TNRC6B: variants seen among roughly 807,000 people sequenced by gnomAD.
The protein encoded by TNRC6B is trinucleotide repeat-containing gene 6B protein.
TNRC6B carries 52 observed loss-of-function variants against 203.6 expected under a neutral mutation model. The ratio of observed to expected loss-of-function variants is 0.26; its 90% CI spans 0.20 to 0.32. TNRC6B has a LOEUF of 0.32. Among genes scored for constraint, TNRC6B ranks in the 10% least tolerant of loss-of-function variants. The pLI is 1.00. For missense variants in TNRC6B, 1,923 were observed against 2,286.2 expected (o/e 0.84, Z 3.24); for synonymous variants, 838 against 845.7 (o/e 0.99, Z 0.16).
intron 1 of TNRC6B, among the ~76,000 whole-genome samples, chr22:40,061,464 C>A (rs888167559): frequency 4.6e-5 from 7 of 151,656 alleles, no homozygotes; most frequent in Non-Finnish European, 1.0e-4. Context: ...CTCAGGTGAT[C>A]CACCTGCCTC....
At chr22:40,118,075 TGCTAATATGA>T (rs770304078) in intron 2 of TNRC6B, among the ~76,000 whole-genome samples, 84 of 152,180 alleles carry the variant, frequency 5.5e-4, no homozygotes, top group Non-Finnish European at 8.7e-4. Context: ...AGGGTAGGAT[TGCTAATATGA>T]GCTAATATGA....
At chr22:40,070,704 A>G (rs936387433) in intron 1 of TNRC6B, among the ~76,000 whole-genome samples, 8 of 152,212 alleles carry the variant, frequency 5.3e-5, no homozygotes, top group Non-Finnish European at 8.8e-5. Context: ...GATCATTTTA[A>G]TAAAAACTCA....
chr22:40,272,825 T>G (rs1310775404), intron 6 of TNRC6B, among the ~76,000 whole-genome samples: 1 of 152,224 alleles, frequency 6.6e-6, no homozygotes, highest in Non-Finnish European at 1.5e-5. Flanking sequence ...TCTAATACAT[T>G]TCAAGTGTGT....
At chr22:40,238,103 G>C (rs1392680753) in intron 1 of TNRC6B, among the ~76,000 whole-genome samples, 3 of 152,114 alleles carry the variant, frequency 2.0e-5, no homozygotes, top group Non-Finnish European at 2.9e-5. Context: ...GATGCATTTT[G>C]GTAGCATTTA....
intron 15 of TNRC6B, among the ~76,000 whole-genome samples, chr22:40,305,838 T>C (rs889856963): frequency 6.6e-6 from 1 of 152,170 alleles, no homozygotes; most frequent in African/African-American, 2.4e-5. Flanking sequence ...TGCTTACTTT[T>C]TCTTTCTCTT....
chr22:40,260,607 G>T (rs1012022221), intron 3 of TNRC6B, among the ~76,000 whole-genome samples: 2 of 152,180 alleles, frequency 1.3e-5, no homozygotes, highest in Admixed American at 1.3e-4. Flanking sequence ...TAGGCCAGGG[G>T]CTTCAATAAA....
At chr22:40,156,322 A>C (rs1011379088) in intron 4 of TNRC6B, 1 of 743,530 alleles carries the variant, frequency 1.3e-6, no homozygotes, top group Non-Finnish European at 2.2e-6. Flanking sequence ...GTGGCTGTTA[A>C]TGCATTGCTT....
Position 40,265,088 on chromosome 22 carries a change from T to C in TNRC6B, c.858T>C (p.Asn286=), listed in dbSNP as rs369264386. ...ACAATGGACTAGGAAATTGGAGGAA[T>C]GTGAGTGGTCAGGATAGAATTGGAC... ...ENNNGLGNWR[N]VSGQDRIGPG... Residue 286 remains asparagine, a synonymous_variant, in exon 5 of 23, where the codon AAT becomes AAC. Transcript: ENST00000454349. 2.0e-5 allele frequency: 33 copies of C among 1,614,006 alleles called. No homozygotes were observed. In the African/African-American group the frequency reaches 2.8e-4, roughly 14 times the overall value.
intron 1 of TNRC6B, among the ~76,000 whole-genome samples, chr22:40,100,512 A>G (rs774827568): frequency 5.9e-4 from 89 of 152,056 alleles, no homozygotes; most frequent in Non-Finnish European, 8.8e-4. Flanking sequence ...CTTAGTAGCT[A>G]GGACTACAGG....
chr22:40,184,369 T>C (rs537605023), intron 1 of TNRC6B, among the ~76,000 whole-genome samples: 79 of 152,178 alleles, frequency 5.2e-4, no homozygotes, highest in Non-Finnish European at 9.6e-4. Context: ...CTAGTGGACA[T>C]TGGCATATTT....
chr22:40,281,781 G>A (rs1383240667), intron 11 of TNRC6B, among the ~76,000 whole-genome samples: 2 of 152,180 alleles, frequency 1.3e-5, no homozygotes, highest in East Asian at 1.9e-4. Context: ...CCGGAGAAGG[G>A]TAACTTTAAA....
At chr22:40,130,684 G>A (rs1249561854) in intron 3 of TNRC6B, among the ~76,000 whole-genome samples, 2 of 133,302 alleles carry the variant, frequency 1.5e-5, no homozygotes, top group Non-Finnish European at 3.0e-5. Context: ...GCGGGAGGCT[G>A]AGGCAGGAAA....
At chr22:40,289,719 T>G (rs2070842891) in intron 12 of TNRC6B, among the ~76,000 whole-genome samples, 1 of 152,204 alleles carries the variant, frequency 6.6e-6, no homozygotes, top group Non-Finnish European at 1.5e-5. Context: ...TGCCAGGTGA[T>G]CTTACCAAGT....
chr22:40,171,692 G>A (rs2069001194), intron 4 of TNRC6B, among the ~76,000 whole-genome samples: 2 of 152,052 alleles, frequency 1.3e-5, no homozygotes, highest in African/African-American at 4.8e-5. Context: ...AAACTCTTTT[G>A]TGACTTTCCA....
Position 40,308,652 on chromosome 22 carries a change from AAG to A in TNRC6B, c.4258+7_4258+8del. The stretch of plus-strand genomic sequence containing the variant: ...GGAAGCCAATATGCACAAAAATGGT[AAG>A]AGAAGCACTGAAAGCTAGAGCCCCC... On this transcript the variant is annotated splice_donor_5th_base_variant and intron_variant, in intron 16 of 22. Transcript: ENST00000454349. 6.2e-7 allele frequency: 1 copy of A among 1,610,816 alleles called. No homozygotes were observed. Among genetic ancestry groups the A allele is most frequent in the Non-Finnish European group, 8.5e-7 (1 of 1,178,284 alleles).
At chr22:40,146,027 T>C (rs1224635150) in intron 3 of TNRC6B, among the ~76,000 whole-genome samples, 1 of 152,076 alleles carries the variant, frequency 6.6e-6, no homozygotes, top group African/African-American at 2.4e-5. Context: ...TGAGATTAGA[T>C]GAAATGGCTG....
rs1186418869 is a variant in TNRC6B at position 40,265,655 on chromosome 22, C to A, written c.1425C>A (p.Asn475Lys). 3.1e-6 allele frequency: 5 copies of A among 1,613,782 alleles called. No individual in the cohort carries two copies. Among genetic ancestry groups the A allele is most frequent in the Non-Finnish European group, 3.4e-6 (4 of 1,179,854 alleles). ...STGSKNDSWD[N>K]NNRSTGGSWN... is the part of the protein sequence containing the mutation. ...GGTCAAAAAATGACTCTTGGGACAA[C>A]AATAACAGGTCTACGGGTGGGTCCT... The change falls in exon 5 of 23, where the codon AAC becomes AAA. Residue 475 changes from asparagine (N) to lysine (K), a missense_variant. This residue lies in a region of TNRC6B where 614 missense variants were observed against 587.7 expected (regional missense o/e 1.04). Coordinates refer to ENST00000454349, the MANE Select transcript of TNRC6B (RefSeq NM_001162501.2).
chr22:40,278,929 CG>C (rs1409487571), intron 9 of TNRC6B, among the ~76,000 whole-genome samples: 1 of 152,144 alleles, frequency 6.6e-6, no homozygotes, highest in Non-Finnish European at 1.5e-5. Flanking sequence ...TTAGTAGGGA[CG>C]GGATTTCGCC....
At chr22:40,143,672 AT>A (rs1038853288) in intron 3 of TNRC6B, among the ~76,000 whole-genome samples, 9 of 151,958 alleles carry the variant, frequency 5.9e-5, no homozygotes, top group Admixed American at 5.2e-4. Context: ...AATTTTTTGT[AT>A]TTTTAGTAGA....
Sources: gnomAD v4.1 joint callset for allele counts (sites outside exome capture counted in the v4.1 genomes callset) on GRCh38, gnomAD v4.1.1 for gene constraint, gnomAD v4.1.1 regional missense constraint, MANE v1.5 for transcripts, NCBI Gene and HGNC (gene_info 2026-07-23, HGNC 2026-07-21) for gene names.